The following NAF1 variants were observed in gnomAD, a reference collection of about 807,000 sequenced individuals.
The protein encoded by NAF1 is nuclear assembly factor 1 ribonucleoprotein.
A neutral mutation model predicts 40.6 loss-of-function variants in NAF1; 11 were observed. The ratio of observed to expected loss-of-function variants is 0.27; its 90% CI spans 0.17 to 0.45. NAF1 has a LOEUF of 0.45. Ranked by LOEUF, NAF1 falls within the 20% of genes least tolerant of loss-of-function variation. NAF1 has a pLI of 1.00. For synonymous variants in NAF1, 260 were observed against 228.5 expected (o/e 1.14, Z -1.24); for missense variants, 607 against 611.1 (o/e 0.99, Z 0.07).
In NAF1 at chr4:163,160,254, T is replaced by C. The variant is rs1358026175; in HGVS notation, c.540+3963A>G. Among the ~76,000 whole-genome samples the C allele has an allele frequency of 4.6e-5, 7 of 152,166 alleles. No homozygotes were observed. The East Asian group carries it at 1.3e-3, about 29-fold the overall frequency. On this transcript the variant is annotated intron_variant, in intron 2 of 7. Coordinates refer to ENST00000274054, the MANE Select transcript of NAF1 (RefSeq NM_138386.3). ...GTTAAACTTATTAATTGTGACATTA[T>C]GAAGAGAGCCACTTAAGACTCTCCT...
chr4:163,123,148 G>A (rs561223130), downstream of NAF1, among the ~76,000 whole-genome samples: 1 of 152,310 alleles, frequency 6.6e-6, no homozygotes, highest in South Asian at 2.1e-4. Flanking sequence ...TTCAATCACA[G>A]GGAAGGTGAA....
rs765124747 is a variant in NAF1, at chr4:163,166,426, G to T, written c.302C>A (p.Ala101Asp). The change falls in exon 1 of 8, where the codon GCC becomes GAC. Residue 101 changes from alanine (A) to aspartate (D), a missense_variant. By Grantham distance (126) the Ala-to-Asp change is moderately radical. Coordinates refer to ENST00000274054, the MANE Select transcript of NAF1 (RefSeq NM_138386.3). ...ACGDCVTSPG[A>D]AEPARAPDSL... ...GTCCGGCGCCCGCGCAGGCTCTGCGGCTCCTGGGGAGGTGACGCAGTCTCC... is the reference window on the plus strand; with the variant it reads ...GTCCGGCGCCCGCGCAGGCTCTGCGTCTCCTGGGGAGGTGACGCAGTCTCC... 1 of 1,607,982 alleles carries T rather than the reference G, an allele frequency of 6.2e-7. No homozygotes were observed. The highest frequency in any genetic ancestry group is 8.5e-7 in the Non-Finnish European group (1 of 1,176,980).
chr4:163,131,168 G>A (rs530373782), intron 7 of NAF1, among the ~76,000 whole-genome samples: 4 of 152,258 alleles, frequency 2.6e-5, no homozygotes, highest in South Asian at 2.1e-4. Context: ...CACTGCGCTC[G>A]GCCAATAATG....
the NAF1 span, among the ~76,000 whole-genome samples, chr4:163,104,913 G>A: frequency 6.6e-6 from 1 of 152,296 alleles, no homozygotes; most frequent in African/African-American, 2.4e-5. Flanking sequence ...TTTGCTCAGT[G>A]CTTTTTTGTG....
chr4:163,152,874 C>T (rs1166218201), intron 2 of NAF1, among the ~76,000 whole-genome samples: 4 of 152,200 alleles, frequency 2.6e-5, no homozygotes, highest in Non-Finnish European at 5.9e-5. Flanking sequence ...ACCGGGGCTG[C>T]GCGCGGCGCT....
At chr4:163,124,195 T>G (rs1730588437), downstream of NAF1, among the ~76,000 whole-genome samples, 1 of 152,172 alleles carries the variant, frequency 6.6e-6, no homozygotes, top group African/African-American at 2.4e-5. Context: ...GTCTCTAAAA[T>G]AAATAAGTAC....
chr4:163,140,239 T>C lies in NAF1; in HGVS notation c.862A>G (p.Thr288Ala). ...AGTACTTACTGTTTTAGTTTTTCTGTGAATATATATTGAGTGAAATCTTTC... is the reference window on the plus strand; with the variant it reads ...AGTACTTACTGTTTTAGTTTTTCTGCGAATATATATTGAGTGAAATCTTTC... The part of the protein sequence containing the change: ...SMKDFTQYIF[T>A]EKLKQDKGSD... The change falls in exon 5 of 8, where the codon ACA (threonine) becomes GCA (alanine). Residue 288 changes from threonine to alanine, a missense_variant. By Grantham distance (58) the Thr-to-Ala change is moderately conservative. Transcript: ENST00000274054. The C allele has an allele frequency of 6.3e-7, 1 of 1,593,680 alleles. No homozygotes were observed. The highest frequency in any genetic ancestry group is 8.5e-7 in the Non-Finnish European group (1 of 1,174,056).
intron 2 of NAF1, among the ~76,000 whole-genome samples, chr4:163,163,451 A>G (rs1342106683): frequency 6.6e-6 from 1 of 152,116 alleles, no homozygotes; most frequent in Non-Finnish European, 1.5e-5. Context: ...GTGACCATTA[A>G]ATATTTTTAA....
intron 4 of NAF1, among the ~76,000 whole-genome samples, chr4:163,143,455 C>G (rs1156429600): frequency 6.6e-6 from 1 of 152,164 alleles, no homozygotes; most frequent in Non-Finnish European, 1.5e-5. Context: ...GCGTAGAAGG[C>G]CTGTTTGAGC....
chr4:163,122,981 C>T (rs1406388206), downstream of NAF1, among the ~76,000 whole-genome samples: 2 of 152,148 alleles, frequency 1.3e-5, no homozygotes, highest in Non-Finnish European at 2.9e-5. Flanking sequence ...CCAGGTTTCC[C>T]CTAGACAGTC....
chr4:163,115,505 A>G (rs943714153), intron 2 of NAF1, among the ~76,000 whole-genome samples: 1 of 151,928 alleles, frequency 6.6e-6, no homozygotes, highest in African/African-American at 2.4e-5. Context: ...CAGGACAATA[A>G]TTTTTTTGAA....
At chr4:163,147,774 T>C (rs981337929) in intron 3 of NAF1, among the ~76,000 whole-genome samples, 3 of 152,064 alleles carry the variant, frequency 2.0e-5, no homozygotes, top group Admixed American at 6.5e-5. Context: ...ATCTAAAAAG[T>C]CTTTAAAAGC....
chr4:163,146,611 T>C (rs944550343), intron 3 of NAF1, among the ~76,000 whole-genome samples: 12 of 152,226 alleles, frequency 7.9e-5, no homozygotes, highest in African/African-American at 2.7e-4. Flanking sequence ...CCTCAGATTA[T>C]CAAAATTAAT....
At chr4:163,120,115 C>CAG (rs1274170430) in intron 2 of NAF1, 1 of 152,196 alleles carries the variant, frequency 6.6e-6, no homozygotes, top group East Asian at 1.9e-4. Flanking sequence ...CATAATCAAA[C>CAG]AGACATTTGC....
intron 2 of NAF1, among the ~76,000 whole-genome samples, chr4:163,160,191 T>G (rs1186975784): frequency 6.6e-6 from 1 of 152,154 alleles, no homozygotes. Flanking sequence ...TTCTGAGCAT[T>G]AAAAAAGAAT....
rs1383027548 is a variant in NAF1, at chr4:163,166,512, G to A, written c.216C>T (p.Asn72=). The change falls in exon 1 of 8, where the codon AAC becomes AAT. Residue 72 remains asparagine (N), a synonymous_variant. Transcript: ENST00000274054. ...GCGCCGGGGTCCCGGCCGCGACGGCGTTCAGAACGGGCTGCAGAGGCTGCT... is the reference window on the plus strand; with the variant it reads ...GCGCCGGGGTCCCGGCCGCGACGGCATTCAGAACGGGCTGCAGAGGCTGCT... ...AGEQPLQPVL[N]AVAAGTPAPQ... is the part of the protein sequence containing the mutation. The A allele has an allele frequency of 6.3e-7, 1 of 1,599,526 alleles. No homozygotes were observed. The highest frequency in any genetic ancestry group is 2.3e-5 in the East Asian group (1 of 44,400).
In NAF1 at chr4:163,139,676, T is replaced by C. The variant is rs566617966; in HGVS notation, c.878+547A>G. On this transcript the variant is annotated intron_variant, in intron 5 of 7. Coordinates refer to ENST00000274054, the MANE Select transcript of NAF1 (RefSeq NM_138386.3). Reference sequence around the variant, plus strand: ...TATTGATAGACAAAATGGAGAGCACTGGTTTGTTGGTTAGGTCAACTCCAT... The same window carrying C: ...TATTGATAGACAAAATGGAGAGCACCGGTTTGTTGGTTAGGTCAACTCCAT... Among the ~76,000 whole-genome samples, 8 of 152,232 alleles carry C rather than the reference T, an allele frequency of 5.3e-5. No homozygotes were observed. The East Asian group carries it at 1.5e-3, about 29-fold the overall frequency.
At chr4:163,127,547 A>T (rs1454150255), downstream of NAF1, among the ~76,000 whole-genome samples, 1 of 152,202 alleles carries the variant, frequency 6.6e-6, no homozygotes, top group Non-Finnish European at 1.5e-5. Context: ...GTGCTTTTAG[A>T]TATAATCTCA....
intron 2 of NAF1, among the ~76,000 whole-genome samples, chr4:163,113,184 A>C (rs541012750): frequency 6.6e-6 from 1 of 152,188 alleles, no homozygotes; most frequent in Non-Finnish European, 1.5e-5. Flanking sequence ...AATAATACAT[A>C]TATAGATAGT....
Sources: gnomAD v4.1 joint callset for allele counts (sites outside exome capture counted in the v4.1 genomes callset) on GRCh38, gnomAD v4.1.1 for gene constraint, MANE v1.5 for transcripts, NCBI Gene and HGNC (gene_info 2026-07-23, HGNC 2026-07-21) for gene names.